Variants in PLA2G4F observed in about 807,000 individuals in gnomAD.
PLA2G4F encodes the protein phospholipase A2 group IVF.
In PLA2G4F, 105 loss-of-function variants were observed where a neutral mutation model predicts 103.1. That is an observed-to-expected ratio of 1.02 (90% confidence interval 0.87 to 1.20). The LOEUF (loss-of-function observed/expected upper bound fraction) is 1.20. Among genes scored for constraint, PLA2G4F ranks in the 50% most tolerant of loss-of-function variants. The pLI, the probability that PLA2G4F is intolerant of heterozygous loss-of-function variation, is 0.00. For missense variants in PLA2G4F, 1,155 were observed against 1,075.9 expected (o/e 1.07, Z -1.03); for synonymous variants, 468 against 441.1 (o/e 1.06, Z -0.76).
Position 42,141,898 on chromosome 15 carries a change from A to G in PLA2G4F, c.*86T>C, listed in dbSNP as rs1595614527. The G allele has an allele frequency of 7.4e-7, 1 of 1,347,552 alleles. No individual in the cohort carries two copies. Among genetic ancestry groups the G allele is most frequent in the Admixed American group, 1.9e-5 (1 of 53,040 alleles). The allele number at this position is 1,347,552 out of a possible 1,614,324, so 83.5% of individuals were successfully genotyped here. A position where few individuals can be genotyped will look rare whatever the true frequency, so the allele number is the denominator to read the frequency against. On this transcript the variant is annotated 3_prime_UTR_variant, in exon 20 of 20. Transcript: ENST00000397272. ...GAGAGAAGGGAAGCAGATCCTGCAC[A>G]GAGTCCCCATCGCTCCTCCCTCTAC...
rs1431751213 is a variant in PLA2G4F at position 42,150,793 on chromosome 15, C to A, written c.602-16G>T. 1.2e-6 allele frequency: 2 copies of A among 1,601,520 alleles called. No homozygotes were observed. The highest frequency in any genetic ancestry group is 4.1e-4 in the Middle Eastern group (2 of 4,866). ...TGCCTAGAGCCTGAGAGCAGAGGGC[C>A]CAGGTGGGTGCGCAGGTGAGGGGGT... On this transcript the variant is annotated splice_polypyrimidine_tract_variant and intron_variant, in intron 7 of 19. Transcript: ENST00000397272.
At position 42,145,668 on chromosome 15, in the gene PLA2G4F, C is replaced by T. The variant is rs776310395; in HGVS notation, c.1687G>A (p.Ala563Thr). The T allele has an allele frequency of 1.5e-5, 24 of 1,614,078 alleles. No homozygotes were observed. The highest frequency in any genetic ancestry group is 2.2e-5 in the South Asian group (2 of 91,082). ...ICYLQGMWGSAFATSLDEIFL... is the reference protein window; with the variant it reads ...ICYLQGMWGSTFATSLDEIFL... ...ATCTCATCCAGGCTGGTGGCAAAGG[C>T]GCTGCCCCACATACCTAAGGAGACA... Residue 563 changes from alanine (A) to threonine (T), a missense_variant, in exon 16 of 20, where the codon GCC becomes ACC. Physicochemically the swap from Ala to Thr is moderately conservative, Grantham distance 58. Around this residue, in one of 3 missense-constraint regions of PLA2G4F, gnomAD observed 782 missense variants for 692.9 expected, o/e 1.13. Transcript: ENST00000397272.
intron 18 of PLA2G4F, among the ~76,000 whole-genome samples, chr15:42,143,008 G>A (rs1262869086): frequency 2.0e-5 from 3 of 151,812 alleles, no homozygotes; most frequent in South Asian, 2.1e-4. Context: ...GTGAAACCCC[G>A]TCTCTACTAA....
chr15:42,147,829 C>T lies in PLA2G4F; in HGVS notation c.1060-67G>A, dbSNP rs1025498741. 112 of 1,583,082 alleles carry T rather than the reference C, an allele frequency of 7.1e-5. No individual in the cohort carries two copies. In the Admixed American group the frequency reaches 1.8e-3, roughly 26 times the overall value. Reference sequence around the variant, plus strand: ...CGTCATTGACGTATTACTGCCTATACATGTAGGACATTATTCTAAGAGTCT... The same window carrying T: ...CGTCATTGACGTATTACTGCCTATATATGTAGGACATTATTCTAAGAGTCT... On this transcript the variant is annotated intron_variant, in intron 11 of 19. Coordinates refer to ENST00000397272, the MANE Select transcript of PLA2G4F (RefSeq NM_213600.4).
At position 42,150,911 on chromosome 15, in the gene PLA2G4F, C is replaced by T; in HGVS notation, c.602-134G>A. The T allele has an allele frequency of 2.7e-6, 4 of 1,463,400 alleles. No homozygotes were observed. The South Asian group carries it at 4.3e-5, about 16-fold the overall frequency. 90.7% of individuals were successfully genotyped at this position (1,463,400 alleles called of 1,614,324 possible). ...GAAATGCCAGCTCTTATCGCCCGCT[C>T]TCTCTTGAGCACTGCTCATAGAGAA... On this transcript the variant is annotated intron_variant, in intron 7 of 19. Coordinates refer to ENST00000397272, the MANE Select transcript of PLA2G4F (RefSeq NM_213600.4).
intron 3 of PLA2G4F, 21 bp from the exon 4 acceptor site, chr15:42,154,241 A>C: frequency 6.2e-7 from 1 of 1,614,124 alleles, no homozygotes. Flanking sequence ...GGCAGGCAGG[A>C]GGTCCGAGCA....
chr15:42,151,898 G>C (rs1161667990), intron 7 of PLA2G4F, among the ~76,000 whole-genome samples: 2 of 152,214 alleles, frequency 1.3e-5, no homozygotes, highest in Non-Finnish European at 2.9e-5. Context: ...CTGCTTTACA[G>C]GGTTGTTAGG....
At chr15:42,153,224 G>A in intron 6 of PLA2G4F, 76 bp downstream of exon 6, 1 of 1,489,764 alleles carries the variant, frequency 6.7e-7, no homozygotes, top group Non-Finnish European at 9.2e-7. Context: ...GAGGCAACTG[G>A]GCCTGATGGG....
At chr15:42,145,018 C>A (rs527635033) in intron 16 of PLA2G4F, among the ~76,000 whole-genome samples, 55 of 152,336 alleles carry the variant, frequency 3.6e-4, no homozygotes, top group African/African-American at 1.3e-3. Flanking sequence ...GGGACCTGCC[C>A]TGGCCCTCCC....
At chr15:42,144,762 T>A (rs1428495378) in intron 16 of PLA2G4F, 118 bp from the exon 17 acceptor site, 2 of 1,057,068 alleles carry the variant, frequency 1.9e-6, no homozygotes, top group African/African-American at 3.3e-5. Flanking sequence ...TCCCTCCTCC[T>A]CCCTGACCCC....
In PLA2G4F at chr15:42,154,140, G is replaced by T. The variant is rs748683820; in HGVS notation, c.402C>A (p.Ser134Arg). ...QLSLLLFDLRSLKCGQPHKHT... is the reference protein window; with the variant it reads ...QLSLLLFDLRRLKCGQPHKHT... ...GTTTGTGAGGTTGGCCACACTTGAG[G>T]CTTCTCAGGTCAAACAGGAGCAGAG... Residue 134 changes from serine (S) to arginine (R), a missense_variant, in exon 4 of 20, where the codon AGC becomes AGA. By Grantham distance (110) the Ser-to-Arg change is moderately radical. This residue lies in a region of PLA2G4F where 370 missense variants were observed against 364.9 expected (regional missense o/e 1.01). Transcript: ENST00000397272. 2 of 1,614,218 alleles carry T rather than the reference G, an allele frequency of 1.2e-6. No homozygotes were observed. The highest frequency in any genetic ancestry group is 1.1e-5 in the South Asian group (1 of 91,086).
At position 42,154,605 on chromosome 15, in the gene PLA2G4F, G is replaced by T. The variant is rs188351592; in HGVS notation, c.185-147C>A. 34 of 785,290 alleles carry T rather than the reference G, an allele frequency of 4.3e-5. 1 individual carries two copies. The East Asian group carries it at 9.5e-4, about 22-fold the overall frequency. 48.6% of individuals were successfully genotyped at this position (785,290 alleles called of 1,614,324 possible). A position where few individuals can be genotyped will look rare whatever the true frequency, so the allele number is the denominator to read the frequency against. ...GGTGGGGTGAGGAGGTGGAGGGAGA[G>T]CCTTGATGTCTTTCACTCCATCTTG... On this transcript the variant is annotated intron_variant, in intron 2 of 19. Coordinates refer to ENST00000397272, the MANE Select transcript of PLA2G4F (RefSeq NM_213600.4).
intron 12 of PLA2G4F, 48 bp from the exon 13 acceptor site, chr15:42,147,394 C>T (rs574399116): frequency 1.9e-5 from 29 of 1,549,148 alleles, no homozygotes; most frequent in Middle Eastern, 2.3e-4. Context: ...AGCACAGCCA[C>T]GGGAGAGAGG....
In PLA2G4F at chr15:42,145,702, C is replaced by T; in HGVS notation, c.1673-20G>A. ...ACATACCTAAGGAGACAGGCAGGCC[C>T]CCACCCCACGTCAGGGCCTGGCCCC... On this transcript the variant is annotated intron_variant, in intron 15 of 19. Transcript: ENST00000397272. 1.2e-6 allele frequency: 2 copies of T among 1,613,800 alleles called. No individual in the cohort carries two copies. Among genetic ancestry groups the T allele is most frequent in the African/African-American group, 1.3e-5 (1 of 75,056 alleles).
At position 42,147,365 on chromosome 15, in the gene PLA2G4F, C is replaced by A. The variant is rs377032292; in HGVS notation, c.1197-19G>T. Reference sequence around the variant, plus strand: ...GATGCACCTGGGGATTGGAGGTGTGCCTGAGTCAGGGGCAGGAGAGCACAG... The same window carrying A: ...GATGCACCTGGGGATTGGAGGTGTGACTGAGTCAGGGGCAGGAGAGCACAG... On this transcript the variant is annotated intron_variant, in intron 12 of 19. Transcript: ENST00000397272. 1 of 1,597,358 alleles carries A rather than the reference C, an allele frequency of 6.3e-7. No individual in the cohort carries two copies. Among genetic ancestry groups the A allele is most frequent in the Non-Finnish European group, 8.5e-7 (1 of 1,175,870 alleles).
chr15:42,155,888 C>G (rs2049010440), intron 1 of PLA2G4F, among the ~76,000 whole-genome samples: 1 of 152,156 alleles, frequency 6.6e-6, no homozygotes, highest in African/African-American at 2.4e-5. Flanking sequence ...GCTCGCGCCC[C>G]CACTCTAGCT....
rs1056370052 is a variant in PLA2G4F at position 42,140,645 on chromosome 15, C to T, written c.*1339G>A. The T allele has an allele frequency of 2.6e-5, 4 of 152,878 alleles. No individual in the cohort carries two copies. The highest frequency in any genetic ancestry group is 9.7e-5 in the African/African-American group (4 of 41,450). The allele number at this position is 152,878 out of a possible 1,614,324, so 9.5% of individuals were successfully genotyped here. A position where few individuals can be genotyped will look rare whatever the true frequency, so the allele number is the denominator to read the frequency against. ...ATCCCAGGCCAGGCCAAGACACAGGCTGGGCTCCAGTCACCCTTCCCCAAC... is the reference window on the plus strand; with the variant it reads ...ATCCCAGGCCAGGCCAAGACACAGGTTGGGCTCCAGTCACCCTTCCCCAAC... On this transcript the variant is annotated 3_prime_UTR_variant, in exon 20 of 20. Transcript: ENST00000397272.
At position 42,140,140 on chromosome 15, in the gene PLA2G4F, T is replaced by C. The variant is rs924622354; in HGVS notation, c.*1844A>G. 2.6e-5 allele frequency: 4 copies of C among 152,180 alleles called. No individual in the cohort carries two copies. In the South Asian group the frequency reaches 8.3e-4, roughly 32 times the overall value. 9.4% of individuals were successfully genotyped at this position (152,180 alleles called of 1,614,324 possible). On this transcript the variant is annotated 3_prime_UTR_variant, in exon 20 of 20. Coordinates refer to ENST00000397272, the MANE Select transcript of PLA2G4F (RefSeq NM_213600.4). ...GAAAGCATTGCATGCTTTTTTGTGG[T>C]TGGTGGGTGACGATCCATTTCTTAG...
At chr15:42,144,784 C>T in intron 16 of PLA2G4F, 140 bp from the exon 17 acceptor site, 1 of 888,570 alleles carries the variant, frequency 1.1e-6, no homozygotes, top group Non-Finnish European at 1.6e-6. Flanking sequence ...CCTCCCAAGC[C>T]TCTGACCAAT....
Sources: allele counts gnomAD v4.1 joint callset (sites outside exome capture counted in the v4.1 genomes callset), GRCh38; gene constraint gnomAD v4.1.1; regional missense constraint gnomAD v4.1.1; transcripts MANE v1.5; gene names NCBI Gene and HGNC (gene_info 2026-07-23, HGNC 2026-07-21).